The following TENM3 variants were observed in gnomAD, a reference collection of about 807,000 sequenced individuals.
TENM3 encodes teneurin-3.
In TENM3, 63 loss-of-function variants were observed where a neutral mutation model predicts 255.1. That is an observed-to-expected ratio of 0.25 (90% CI 0.20 to 0.30). The LOEUF (loss-of-function observed/expected upper bound fraction) is 0.30. Ranked by LOEUF, TENM3 falls within the 10% of genes least tolerant of loss-of-function variation. The pLI, the probability that TENM3 is intolerant of heterozygous loss-of-function variation, is 1.00. For synonymous variants in TENM3, 1,306 were observed against 1,322.3 expected (o/e 0.99, Z 0.27); for missense variants, 2,929 against 3,461.1 (o/e 0.85, Z 3.86).
chr4:182,433,040 G>T (rs1378602440), intron 3 of TENM3, among the ~76,000 whole-genome samples: 2 of 152,102 alleles, frequency 1.3e-5, no homozygotes, highest in Non-Finnish European at 2.9e-5. Flanking sequence ...GCAGTGTGAA[G>T]AATGTGTTGG....
the TENM3 span, among the ~76,000 whole-genome samples, chr4:181,964,234 G>T: frequency 6.6e-6 from 1 of 151,964 alleles, no homozygotes; most frequent in Non-Finnish European, 1.5e-5. Context: ...TGCTCCAATT[G>T]CACCTAGACA....
chr4:181,767,264 A>G, the TENM3 span, among the ~76,000 whole-genome samples: 1 of 150,678 alleles, frequency 6.6e-6, no homozygotes, highest in East Asian at 1.9e-4. Flanking sequence ...AAAAAAAAAA[A>G]AAAAAAAGAA....
chr4:181,844,845 G>A, the TENM3 span, among the ~76,000 whole-genome samples: 1 of 152,024 alleles, frequency 6.6e-6, no homozygotes, highest in Admixed American at 6.5e-5. Context: ...CCATAAAAAC[G>A]CATTTAAATG....
Position 182,678,954 on chromosome 4 carries a change from C to T in TENM3, c.1327-712C>T, listed in dbSNP as rs181488909. Among the ~76,000 whole-genome samples, 6 of 152,258 alleles carry T rather than the reference C, an allele frequency of 3.9e-5. No homozygotes were observed. The East Asian group carries it at 1.2e-3, about 29-fold the overall frequency. Reference sequence around the variant, plus strand: ...AGAATGATGGTTCTCAGCAAACTAACACAAGAACAGAAAACCAAACGCCGC... The same window carrying T: ...AGAATGATGGTTCTCAGCAAACTAATACAAGAACAGAAAACCAAACGCCGC... On this transcript the variant is annotated intron_variant, in intron 7 of 27. Coordinates refer to ENST00000511685, the MANE Select transcript of TENM3 (RefSeq NM_001080477.4).
At chr4:182,432,122 A>T (rs1771702461) in intron 3 of TENM3, among the ~76,000 whole-genome samples, 3 of 151,954 alleles carry the variant, frequency 2.0e-5, no homozygotes. Context: ...AAAAAGTAAG[A>T]GCCAGGGGAA....
chr4:182,044,274 G>A, the TENM3 span, among the ~76,000 whole-genome samples: 4 of 152,074 alleles, frequency 2.6e-5, no homozygotes, highest in South Asian at 8.3e-4. Flanking sequence ...CAAAAAGAAA[G>A]GAAAGAACTT....
rs564753705 is a variant in TENM3 at position 182,457,814 on chromosome 4, C to T, written c.511+110885C>T. On this transcript the variant is annotated intron_variant, in intron 3 of 27. Transcript: ENST00000511685. ...CTTGGCTCACGCAGTCCTCCTGCCT[C>T]GGCCTCCTAAGTGTTGGATTACAGG... Among the ~76,000 whole-genome samples the T allele has an allele frequency of 2.0e-4, 30 of 152,302 alleles. 1 individual carries two copies. The South Asian group carries it at 2.7e-3, about 14-fold the overall frequency.
chr4:182,059,745 C>CAAA, the TENM3 span, among the ~76,000 whole-genome samples: 8 of 43,126 alleles, frequency 1.9e-4, no homozygotes, highest in South Asian at 1.7e-3. Context: ...TCTGTCTCTA[C>CAAA]AAAAAAAAAA....
chr4:182,282,991 TA>T (rs1385168969), intron 1 of TENM3, among the ~76,000 whole-genome samples: 1 of 151,986 alleles, frequency 6.6e-6, no homozygotes, highest in African/African-American at 2.4e-5. Flanking sequence ...AAATAAGGAC[TA>T]AAATAGAATT....
intron 3 of TENM3, among the ~76,000 whole-genome samples, chr4:182,410,693 T>A (rs1561418364): frequency 1.3e-5 from 2 of 151,892 alleles, no homozygotes; most frequent in Non-Finnish European, 2.9e-5. Context: ...AAGACAAAGA[T>A]GAGAAATCGT....
the TENM3 span, among the ~76,000 whole-genome samples, chr4:181,688,291 T>C: frequency 6.6e-6 from 1 of 152,164 alleles, no homozygotes; most frequent in African/African-American, 2.4e-5. Flanking sequence ...GTAAGTTTCT[T>C]TGCCTAAGTC....
chr4:182,674,750 A>AT (rs1408558166), intron 7 of TENM3, among the ~76,000 whole-genome samples: 3 of 151,368 alleles, frequency 2.0e-5, no homozygotes, highest in Non-Finnish European at 4.4e-5. Context: ...TAATTTTTGT[A>AT]TTTTTTGTAG....
chr4:181,697,791 A>C, the TENM3 span, among the ~76,000 whole-genome samples: 6 of 152,366 alleles, frequency 3.9e-5, no homozygotes, highest in Non-Finnish European at 7.3e-5. Context: ...CAGATTTTCT[A>C]GCTGAATGTG....
At chr4:182,385,427 G>A (rs1190123909) in intron 3 of TENM3, among the ~76,000 whole-genome samples, 11 of 151,994 alleles carry the variant, frequency 7.2e-5, no homozygotes, top group Admixed American at 7.2e-4. Context: ...ACCAAGCCCG[G>A]ATAATTTTTG....
intron 3 of TENM3, among the ~76,000 whole-genome samples, chr4:182,511,566 C>G (rs1237587065): frequency 2.0e-5 from 3 of 152,286 alleles, no homozygotes; most frequent in African/African-American, 7.2e-5. Flanking sequence ...AAGAGAACTT[C>G]AGTGTAAAAT....
chr4:182,610,473 G>A (rs1748882992), intron 4 of TENM3, among the ~76,000 whole-genome samples: 1 of 152,104 alleles, frequency 6.6e-6, no homozygotes, highest in African/African-American at 2.4e-5. Context: ...TTAAGGCCAG[G>A]AGTTCAAGGT....
the TENM3 span, among the ~76,000 whole-genome samples, chr4:181,493,852 C>T: frequency 3.9e-5 from 6 of 152,222 alleles, no homozygotes; most frequent in African/African-American, 1.4e-4. Context: ...ATTAACGTGC[C>T]TATTCAAGAT....
At chr4:181,921,777 T>C in the TENM3 span, among the ~76,000 whole-genome samples, 1 of 152,128 alleles carries the variant, frequency 6.6e-6, no homozygotes, top group South Asian at 2.1e-4. Flanking sequence ...CTATGTTGAA[T>C]AGGAGTGGTG....
At chr4:182,770,105 GA>G (rs34469288) in intron 22 of TENM3, among the ~76,000 whole-genome samples, 24,805 of 92,506 alleles carry the variant, frequency 0.27, 2,149 homozygotes, top group Admixed American at 0.38. Flanking sequence ...GACTTGTCTC[GA>G]AAAAAAAAAA....
Sources: allele counts gnomAD v4.1 joint callset (sites outside exome capture counted in the v4.1 genomes callset), GRCh38; gene constraint gnomAD v4.1.1; transcripts MANE v1.5; gene names NCBI Gene and HGNC (gene_info 2026-07-23, HGNC 2026-07-21).